PDE4D: variants seen among roughly 807,000 people sequenced by gnomAD.
PDE4D encodes the protein phosphodiesterase 4D.
Under a neutral mutation model 87.4 loss-of-function variants are expected in PDE4D, and 24 were observed. That is an observed-to-expected ratio of 0.27 (90% CI 0.20 to 0.39). The LOEUF (loss-of-function observed/expected upper bound fraction) is 0.39. Ranked by LOEUF, PDE4D falls within the 10% of genes least tolerant of loss-of-function variation. The pLI is 1.00. For missense variants in PDE4D, 714 were observed against 1,041.0 expected (o/e 0.69, Z 4.32); for synonymous variants, 384 against 383.2 (o/e 1.00, Z -0.02).
intron 1 of PDE4D, among the ~76,000 whole-genome samples, chr5:59,779,962 G>C (rs918129952): frequency 2.6e-5 from 4 of 152,138 alleles, no homozygotes; most frequent in Non-Finnish European, 5.9e-5. Context: ...GAGATCCCAC[G>C]TTTTTTCCTC....
At chr5:59,407,985 AG>A (rs1288782358) in intron 1 of PDE4D, among the ~76,000 whole-genome samples, 3 of 152,254 alleles carry the variant, frequency 2.0e-5, no homozygotes, top group Non-Finnish European at 4.4e-5. Flanking sequence ...AGAAAATAAA[AG>A]GCCATTTTTG....
At chr5:59,704,188 T>A (rs1201371234) in intron 1 of PDE4D, among the ~76,000 whole-genome samples, 1 of 152,138 alleles carries the variant, frequency 6.6e-6, no homozygotes, top group Non-Finnish European at 1.5e-5. Flanking sequence ...CACACAATAT[T>A]ATGTAGGTGA....
chr5:60,049,533 G>T (rs1050181451), intron 2 of PDE4D, among the ~76,000 whole-genome samples: 5 of 152,186 alleles, frequency 3.3e-5, no homozygotes, highest in Non-Finnish European at 7.4e-5. Flanking sequence ...GTGATGTACA[G>T]ATGGGTTTTT....
rs74380976 is a variant in PDE4D at position 59,416,386 on chromosome 5, T to C, written c.456-200418A>G. On this transcript the variant is annotated intron_variant, in intron 1 of 14. Coordinates refer to ENST00000340635, the MANE Select transcript of PDE4D (RefSeq NM_001104631.2). The stretch of plus-strand genomic sequence containing the variant: ...CTATTCAGGATCTGGGTGTAGCCTG[T>C]ATGCCTGAATTTTTTTCCATGGGGG... Among the ~76,000 whole-genome samples, 676 of 152,276 alleles carry C rather than the reference T, an allele frequency of 4.4e-3. 12 individuals are homozygous for C. The highest frequency in any genetic ancestry group is 7.0e-3 in the Non-Finnish European group (473 of 68,016).
chr5:59,085,161 A>T (rs1767439793), intron 5 of PDE4D, among the ~76,000 whole-genome samples: 2 of 152,190 alleles, frequency 1.3e-5, no homozygotes, highest in Admixed American at 1.3e-4. Flanking sequence ...GAGAGCTTCA[A>T]ATATTTAATA....
At chr5:59,435,177 A>T (rs1002652375) in intron 1 of PDE4D, among the ~76,000 whole-genome samples, 6 of 152,012 alleles carry the variant, frequency 3.9e-5, no homozygotes, top group South Asian at 2.1e-4. Flanking sequence ...TTCCTCCTCA[A>T]ATCTATCCTT....
At chr5:60,251,659 G>A (rs1382401808) in intron 1 of PDE4D, among the ~76,000 whole-genome samples, 1 of 151,840 alleles carries the variant, frequency 6.6e-6, no homozygotes, top group African/African-American at 2.4e-5. Context: ...TATGAATAGT[G>A]CTACAATGAA....
intron 1 of PDE4D, among the ~76,000 whole-genome samples, chr5:60,270,036 T>C (rs1333340237): frequency 6.6e-6 from 1 of 152,050 alleles, no homozygotes; most frequent in Non-Finnish European, 1.5e-5. Context: ...GAACACATGC[T>C]AAAGGGAAAT....
chr5:59,745,593 G>A (rs1759489036), intron 1 of PDE4D, among the ~76,000 whole-genome samples: 2 of 152,108 alleles, frequency 1.3e-5, no homozygotes, highest in Non-Finnish European at 2.9e-5. Context: ...GTCTTGACAG[G>A]GGTGACGTGC....
At chr5:60,056,967 T>C (rs1770845076) in intron 2 of PDE4D, among the ~76,000 whole-genome samples, 1 of 152,106 alleles carries the variant, frequency 6.6e-6, no homozygotes, top group Non-Finnish European at 1.5e-5. Context: ...AATATCTTAC[T>C]AGGAAACCTA....
chr5:59,504,813 C>G (rs746850616), intron 1 of PDE4D, among the ~76,000 whole-genome samples: 2 of 151,996 alleles, frequency 1.3e-5, no homozygotes, highest in Non-Finnish European at 1.5e-5. Context: ...CTACTTCAGA[C>G]CTTCTTGGGA....
intron 5 of PDE4D, among the ~76,000 whole-genome samples, chr5:59,149,232 T>C (rs982115275): frequency 6.6e-6 from 1 of 152,146 alleles, no homozygotes; most frequent in Non-Finnish European, 1.5e-5. Flanking sequence ...TGTATTTGAG[T>C]CCAAAATGAA....
At chr5:60,456,455 G>A (rs1746474228) in intron 1 of PDE4D, among the ~76,000 whole-genome samples, 1 of 152,214 alleles carries the variant, frequency 6.6e-6, no homozygotes, top group Non-Finnish European at 1.5e-5. Context: ...AGACTGAATA[G>A]TATTTGGTTG....
chr5:59,809,939 T>C (rs550155537), intron 1 of PDE4D, among the ~76,000 whole-genome samples: 6 of 152,306 alleles, frequency 3.9e-5, no homozygotes, highest in Admixed American at 3.9e-4. Flanking sequence ...CGTTTATTAT[T>C]ACAAAGAATA....
chr5:59,546,862 T>C (rs1158096040), intron 1 of PDE4D, among the ~76,000 whole-genome samples: 4 of 152,194 alleles, frequency 2.6e-5, no homozygotes, highest in Non-Finnish European at 5.9e-5. Context: ...ACCAAATTAC[T>C]GAGTTAGTAC....
intron 3 of PDE4D, among the ~76,000 whole-genome samples, chr5:59,930,153 A>G (rs1261125927): frequency 8.9e-6 from 1 of 112,522 alleles, no homozygotes; most frequent in Non-Finnish European, 1.7e-5. Flanking sequence ...ACAGAGCGAG[A>G]CTCCGTCTCC....
At chr5:60,070,253 TG>T (rs1772558934) in intron 2 of PDE4D, among the ~76,000 whole-genome samples, 1 of 152,140 alleles carries the variant, frequency 6.6e-6, no homozygotes, top group South Asian at 2.1e-4. Context: ...ATCCTTGTCT[TG>T]TTTCTAATCT....
intron 1 of PDE4D, among the ~76,000 whole-genome samples, chr5:59,566,213 ATGT>A (rs1280568771): frequency 1.3e-5 from 2 of 152,156 alleles, no homozygotes; most frequent in African/African-American, 2.4e-5. Flanking sequence ...GATCTTGGAA[ATGT>A]TGTGATGATC....
intron 1 of PDE4D, among the ~76,000 whole-genome samples, chr5:59,736,641 T>A (rs1031143877): frequency 2.0e-5 from 3 of 151,388 alleles, no homozygotes; most frequent in African/African-American, 7.3e-5. Flanking sequence ...ATCATGCCAC[T>A]GCACTCCAGC....
Sources: allele counts gnomAD v4.1 joint callset (sites outside exome capture counted in the v4.1 genomes callset), GRCh38; gene constraint gnomAD v4.1.1; transcripts MANE v1.5; gene names NCBI Gene and HGNC (gene_info 2026-07-23, HGNC 2026-07-21).